ESRRG: variants seen among roughly 807,000 people sequenced by gnomAD.
ESRRG encodes the protein estrogen-related receptor gamma.
A neutral mutation model predicts 44.0 loss-of-function variants in ESRRG; 13 were observed. The observed-to-expected ratio is 0.30, with a 90% CI of 0.19 to 0.47. ESRRG has a LOEUF of 0.47. Ranked by LOEUF, ESRRG falls within the 20% of genes least tolerant of loss-of-function variation. The pLI, the probability that ESRRG is intolerant of heterozygous loss-of-function variation, is 1.00. For missense variants in ESRRG, 395 were observed against 580.6 expected (o/e 0.68, Z 3.29); for synonymous variants, 215 against 214.6 (o/e 1.00, Z -0.02).
chr1:216,618,781 C>T (rs2061769736), intron 3 of ESRRG, among the ~76,000 whole-genome samples: 1 of 152,172 alleles, frequency 6.6e-6, no homozygotes, highest in Non-Finnish European at 1.5e-5. Flanking sequence ...GGAGTGATCA[C>T]TGTAAATTCA....
chr1:216,655,797 C>T (rs933641107), intron 2 of ESRRG, among the ~76,000 whole-genome samples: 1 of 152,114 alleles, frequency 6.6e-6, no homozygotes, highest in Non-Finnish European at 1.5e-5. Context: ...AATTTCCAGG[C>T]CCTCCCATTG....
chr1:217,060,814 A>AGATAGATAGATAGATAGATAGATAGAT (rs1405023235), intron 1 of ESRRG, among the ~76,000 whole-genome samples: 1 of 60,260 alleles, frequency 1.7e-5, no homozygotes, highest in African/African-American at 3.8e-5. Context: ...ATAGATAGAT[A>AGATAGATAGATAGATAGATAGATAGAT]GATAGATAGA....
At chr1:216,637,850 A>T (rs1391450211) in intron 3 of ESRRG, among the ~76,000 whole-genome samples, 1 of 151,952 alleles carries the variant, frequency 6.6e-6, no homozygotes. Context: ...ATAAAACAGG[A>T]CTTCTGAAAT....
At chr1:216,874,416 A>G (rs560417665) in intron 2 of ESRRG, among the ~76,000 whole-genome samples, 1 of 152,210 alleles carries the variant, frequency 6.6e-6, no homozygotes, top group Non-Finnish European at 1.5e-5. Flanking sequence ...AAATATGAGA[A>G]ATAAAACTGC....
At chr1:216,511,785 A>C (rs2042798941) in intron 6 of ESRRG, among the ~76,000 whole-genome samples, 1 of 152,240 alleles carries the variant, frequency 6.6e-6, no homozygotes, top group Non-Finnish European at 1.5e-5. Context: ...CGAGGTATTC[A>C]AAAAGATTTC....
chr1:216,519,018 C>A (rs1330054559), intron 6 of ESRRG, 134 bp downstream of exon 6: 2 of 692,790 alleles, frequency 2.9e-6, no homozygotes, highest in Admixed American at 2.8e-5. Flanking sequence ...CACTAGAAAG[C>A]TATACTGATT....
At chr1:216,798,468 A>T (rs2094531298) in intron 2 of ESRRG, among the ~76,000 whole-genome samples, 1 of 152,182 alleles carries the variant, frequency 6.6e-6, no homozygotes, top group African/African-American at 2.4e-5. Flanking sequence ...TGAACAAGGG[A>T]AAGAGGATGA....
chr1:216,807,359 A>G (rs991850208), intron 2 of ESRRG, among the ~76,000 whole-genome samples: 2 of 152,192 alleles, frequency 1.3e-5, no homozygotes, highest in Non-Finnish European at 2.9e-5. Context: ...TCTGATAGTC[A>G]TATTAGAAAG....
At chr1:216,643,099 T>C (rs949773484) in intron 3 of ESRRG, among the ~76,000 whole-genome samples, 10 of 152,168 alleles carry the variant, frequency 6.6e-5, no homozygotes, top group African/African-American at 2.2e-4. Flanking sequence ...CTGCCATATA[T>C]AAATCAAGAC....
chr1:216,657,413 C>G (rs1367143656), intron 2 of ESRRG, among the ~76,000 whole-genome samples: 4 of 152,154 alleles, frequency 2.6e-5, no homozygotes, highest in Admixed American at 2.0e-4. Context: ...GAACTGCCAC[C>G]AGAGCCACTT....
intron 2 of ESRRG, among the ~76,000 whole-genome samples, chr1:216,845,193 G>A (rs561906496): frequency 1.3e-5 from 2 of 152,262 alleles, no homozygotes; most frequent in East Asian, 3.9e-4. Flanking sequence ...GTTAATGAGG[G>A]TTGGAAAATG....
chr1:216,666,560 T>A (rs1287707889), intron 2 of ESRRG, among the ~76,000 whole-genome samples: 1 of 152,186 alleles, frequency 6.6e-6, no homozygotes, highest in Non-Finnish European at 1.5e-5. Context: ...ATTAGAGTGC[T>A]AAGAAAGGCA....
At chr1:216,626,323 C>T (rs1480174381) in intron 3 of ESRRG, among the ~76,000 whole-genome samples, 1 of 152,092 alleles carries the variant, frequency 6.6e-6, no homozygotes, top group Non-Finnish European at 1.5e-5. Flanking sequence ...ATCAGCAAAC[C>T]CAGGATTCTG....
chr1:216,677,034 G>A (rs376679687), intron 2 of ESRRG, 42 bp downstream of exon 2: 1 of 1,487,690 alleles, frequency 6.7e-7, no homozygotes, highest in South Asian at 1.2e-5. Context: ...CCCATCATGT[G>A]AGGTTGGAAG....
Position 216,504,273 on chromosome 1 carries a change from C to A in ESRRG, c.*2666G>T. 6.6e-6 allele frequency: 1 copy of A among 152,074 alleles called. No individual in the cohort carries two copies. The highest frequency in any genetic ancestry group is 1.9e-4 in the East Asian group (1 of 5,184). 9.4% of individuals were successfully genotyped at this position (152,074 alleles called of 1,614,324 possible). A position where few individuals can be genotyped will look rare whatever the true frequency, so the allele number is the denominator to read the frequency against. ...CTGCACAAACTTTCTGGAAAATAAT[C>A]TTTTTAAACACTTACATATATAAAT... On this transcript the variant is annotated 3_prime_UTR_variant, in exon 7 of 7. Transcript: ENST00000408911.
chr1:216,906,988 G>A (rs1373490169), intron 2 of ESRRG, among the ~76,000 whole-genome samples: 1 of 152,192 alleles, frequency 6.6e-6, no homozygotes, highest in East Asian at 1.9e-4. Context: ...TTGTGTATGT[G>A]AGTGTATATG....
intron 2 of ESRRG, among the ~76,000 whole-genome samples, chr1:216,933,082 C>T (rs1250626880): frequency 1.3e-5 from 2 of 152,026 alleles, no homozygotes; most frequent in African/African-American, 2.4e-5. Context: ...AATAGGATAA[C>T]AGCAACTACC....
chr1:216,804,737 G>T (rs189294997), intron 2 of ESRRG, among the ~76,000 whole-genome samples: 3 of 151,908 alleles, frequency 2.0e-5, no homozygotes, highest in Admixed American at 1.3e-4. Context: ...GTGATAAAAA[G>T]AATTGAAATG....
chr1:216,561,511 C>A (rs116755999), intron 5 of ESRRG, among the ~76,000 whole-genome samples: 257 of 152,208 alleles, frequency 1.7e-3, no homozygotes, highest in African/African-American at 5.8e-3. Context: ...AACACAATTT[C>A]ACTTTTATCG....
Sources: allele counts gnomAD v4.1 joint callset (sites outside exome capture counted in the v4.1 genomes callset), GRCh38; gene constraint gnomAD v4.1.1; transcripts MANE v1.5; gene names NCBI Gene and HGNC (gene_info 2026-07-23, HGNC 2026-07-21).